Variants in FOXP2 observed in about 807,000 individuals in gnomAD.
FOXP2 encodes the protein forkhead box protein P2.
A neutral mutation model predicts 115.8 loss-of-function variants in FOXP2; 12 were observed. The observed-to-expected ratio is 0.10, with a 90% CI of 0.07 to 0.17. The LOEUF is 0.17. Ranked by LOEUF, FOXP2 falls within the 10% of genes least tolerant of loss-of-function variation. The pLI, the probability that FOXP2 is intolerant of heterozygous loss-of-function variation, is 1.00. For synonymous variants in FOXP2, 328 were observed against 297.7 expected (o/e 1.10, Z -1.05); for missense variants, 629 against 843.5 (o/e 0.75, Z 3.15).
intron 2 of FOXP2, among the ~76,000 whole-genome samples, chr7:114,483,976 CAATT>C (rs1428144602): frequency 6.6e-6 from 1 of 151,666 alleles, no homozygotes; most frequent in African/African-American, 2.4e-5. Flanking sequence ...AATTCCTACT[CAATT>C]AAGCTTTAAA....
intron 2 of FOXP2, among the ~76,000 whole-genome samples, chr7:114,443,805 C>CT (rs1213829706): frequency 7.9e-5 from 12 of 152,184 alleles, no homozygotes; most frequent in Admixed American, 6.6e-4. Context: ...ACCACATTTT[C>CT]TTTTTCCATT....
At chr7:114,646,987 G>A (rs1326627486) in intron 8 of FOXP2, among the ~76,000 whole-genome samples, 1 of 151,774 alleles carries the variant, frequency 6.6e-6, no homozygotes, top group Non-Finnish European at 1.5e-5. Flanking sequence ...AGCTGTGAAA[G>A]ATTTTTAGTT....
At chr7:114,512,371 A>G (rs1476262594) in intron 2 of FOXP2, among the ~76,000 whole-genome samples, 2 of 152,220 alleles carry the variant, frequency 1.3e-5, no homozygotes, top group Non-Finnish European at 2.9e-5. Context: ...GTATGATCCC[A>G]TACGAATTCT....
chr7:114,662,509 G>A (rs1007116172), intron 14 of FOXP2, among the ~76,000 whole-genome samples: 5 of 152,036 alleles, frequency 3.3e-5, no homozygotes, highest in African/African-American at 9.7e-5. Flanking sequence ...CAATACAGTA[G>A]CTTCCAGTAG....
intron 2 of FOXP2, among the ~76,000 whole-genome samples, chr7:114,491,263 T>A (rs1296113374): frequency 6.6e-6 from 1 of 152,260 alleles, no homozygotes; most frequent in African/African-American, 2.4e-5. Flanking sequence ...CCAGTGATGA[T>A]GAGCATTTTT....
intron 16 of FOXP2, among the ~76,000 whole-genome samples, chr7:114,689,128 A>G (rs561806053): frequency 6.6e-6 from 1 of 152,140 alleles, no homozygotes; most frequent in African/African-American, 2.4e-5. Context: ...AGTTTCTATA[A>G]TTATATTGCT....
chr7:114,221,280 T>C (rs1299434897), intron 1 of FOXP2, among the ~76,000 whole-genome samples: 1 of 152,204 alleles, frequency 6.6e-6, no homozygotes, highest in African/African-American at 2.4e-5. Context: ...TTTGTGGTTT[T>C]TTTATTTTAT....
At chr7:114,378,701 A>AAAAAAAAAAAAAAAAAAAAAAAAAG (rs1554380027) in intron 2 of FOXP2, among the ~76,000 whole-genome samples, 39 of 106,790 alleles carry the variant, frequency 3.7e-4, no homozygotes, top group Admixed American at 6.5e-4. Context: ...AAAAAAAAAA[A>AAAAAAAAAAAAAAAAAAAAAAAAAG]GGAAAAGAAA....
At chr7:114,472,004 T>C (rs1284526967) in intron 2 of FOXP2, among the ~76,000 whole-genome samples, 2 of 151,874 alleles carry the variant, frequency 1.3e-5, no homozygotes, top group Non-Finnish European at 2.9e-5. Context: ...TTCCAACTTG[T>C]AGCCTAGGTT....
At chr7:114,502,368 C>T (rs1797602672) in intron 2 of FOXP2, among the ~76,000 whole-genome samples, 1 of 152,050 alleles carries the variant, frequency 6.6e-6, no homozygotes, top group African/African-American at 2.4e-5. Flanking sequence ...AAACACTAGC[C>T]ATGTTCTTAT....
At chr7:114,439,542 A>T (rs1046985129) in intron 2 of FOXP2, among the ~76,000 whole-genome samples, 2 of 151,852 alleles carry the variant, frequency 1.3e-5, no homozygotes, top group African/African-American at 4.8e-5. Context: ...AGTGTAAATT[A>T]TCTTATTTAT....
intron 2 of FOXP2, among the ~76,000 whole-genome samples, chr7:114,446,211 A>G (rs1794830251): frequency 6.6e-6 from 1 of 152,094 alleles, no homozygotes; most frequent in Non-Finnish European, 1.5e-5. Flanking sequence ...ACAATTCTAA[A>G]GTCCCTGCAA....
intron 2 of FOXP2, among the ~76,000 whole-genome samples, chr7:114,428,973 C>T (rs1793989570): frequency 6.6e-6 from 1 of 151,240 alleles, no homozygotes; most frequent in Non-Finnish European, 1.5e-5. Flanking sequence ...CATTGTTGAC[C>T]AAGATCTTTT....
At chr7:114,615,646 T>C (rs1050870962) in intron 3 of FOXP2, among the ~76,000 whole-genome samples, 3 of 152,202 alleles carry the variant, frequency 2.0e-5, no homozygotes, top group Non-Finnish European at 4.4e-5. Flanking sequence ...GGTGTCAGCT[T>C]TCCCCTTTAG....
rs183775558 is a variant in FOXP2 at position 114,265,964 on chromosome 7, A to G, written c.-101-22055A>G. ...AATAGAGGCCCTAACCCCCAAATTC[A>G]TTTTTTCCTCCTAGGCCTCAGAGCT... On this transcript the variant is annotated intron_variant, in intron 1 of 17. Transcript: ENST00000634411. Among the ~76,000 whole-genome samples the G allele has an allele frequency of 3.9e-3, 584 of 150,516 alleles. 6 individuals carry two copies. Among genetic ancestry groups the G allele is most frequent in the African/African-American group, 0.014 (563 of 40,902 alleles).
intron 3 of FOXP2, among the ~76,000 whole-genome samples, chr7:114,596,442 T>G (rs1802714141): frequency 6.6e-6 from 1 of 152,084 alleles, no homozygotes; most frequent in South Asian, 2.1e-4. Context: ...CAGGTGCCCC[T>G]GAGAGAGCTT....
intron 2 of FOXP2, among the ~76,000 whole-genome samples, chr7:114,356,798 T>C (rs140838277): frequency 3.4e-4 from 52 of 152,302 alleles, no homozygotes; most frequent in African/African-American, 1.3e-3. Flanking sequence ...CTTTTGTAGA[T>C]GTAGATATTT....
At chr7:114,564,402 T>C (rs1318301329) in intron 3 of FOXP2, among the ~76,000 whole-genome samples, 1 of 152,158 alleles carries the variant, frequency 6.6e-6, no homozygotes, top group Non-Finnish European at 1.5e-5. Flanking sequence ...GATCCATGGA[T>C]AGAATTCAGG....
intron 3 of FOXP2, among the ~76,000 whole-genome samples, chr7:114,602,816 A>G (rs1461063709): frequency 6.6e-6 from 1 of 152,194 alleles, no homozygotes; most frequent in Admixed American, 6.6e-5. Flanking sequence ...AGACCATTGT[A>G]TTAAAATCCA....
Sources: gnomAD v4.1 joint callset for allele counts (sites outside exome capture counted in the v4.1 genomes callset) on GRCh38, gnomAD v4.1.1 for gene constraint, MANE v1.5 for transcripts, NCBI Gene and HGNC (gene_info 2026-07-23, HGNC 2026-07-21) for gene names.